PHC2: variants seen among roughly 807,000 people sequenced by gnomAD.
PHC2 encodes the protein polyhomeotic-like protein 2.
A neutral mutation model predicts 87.4 loss-of-function variants in PHC2; 29 were observed. That is an observed-to-expected ratio of 0.33 (90% CI 0.25 to 0.45). The LOEUF (loss-of-function observed/expected upper bound fraction) is 0.45, where lower values mean the gene tolerates loss of function less well. Ranked by LOEUF, PHC2 falls within the 20% of genes least tolerant of loss-of-function variation. The pLI is 1.00. For missense variants in PHC2, 857 were observed against 1,136.7 expected, an observed-to-expected ratio of 0.75 and a Z score of 3.54; for synonymous variants, 438 against 461.7, an observed-to-expected ratio of 0.95 and a Z score of 0.66.
In PHC2 at chr1:33,349,514, G is replaced by A. The variant is rs900554330; in HGVS notation, c.1558+4887C>T. 4.1e-6 allele frequency: 4 copies of A among 983,140 alleles called. No individual in the cohort carries two copies. Among genetic ancestry groups the A allele is most frequent in the Admixed American group, 6.2e-5 (1 of 16,258 alleles). 60.9% of individuals were successfully genotyped at this position (983,140 alleles called of 1,614,324 possible). A position where few individuals can be genotyped will look rare whatever the true frequency, so the allele number is the denominator to read the frequency against. On this transcript the variant is annotated intron_variant, in intron 9 of 14. Coordinates refer to ENST00000683057, the MANE Select transcript of PHC2 (RefSeq NM_001385109.1). The surrounding 1 kb of genome is among the most constrained non-coding windows in gnomAD (Gnocchi z 4.2). ...AGGCCCGGGCCGTTAGGGGCACCGA[G>A]GGCGGTGCCCGACTTCCAGTGCGGC...
In PHC2 at chr1:33,364,470, T is replaced by C. The variant is rs1029515255; in HGVS notation, c.976+2646A>G. ...TCCTGCTCTCAGATCCCTTGGTTCA[T>C]TGACAGTGGGTTGGCTGGGCAGGAG... On this transcript the variant is annotated intron_variant, in intron 7 of 14. Transcript: ENST00000683057. This position sits in a 1 kb window ranked among gnomAD's most constrained non-coding sequence, Gnocchi z 4.1. Among the ~76,000 whole-genome samples, 2 of 151,936 alleles carry C rather than the reference T, an allele frequency of 1.3e-5. No individual in the cohort carries two copies. The highest frequency in any genetic ancestry group is 2.9e-5 in the Non-Finnish European group (2 of 67,986).
chr1:33,430,838 C>G (rs529415342), intron 1 of PHC2, 138 bp downstream of exon 1: 1 of 150,188 alleles, frequency 6.7e-6, no homozygotes, highest in East Asian at 2.0e-4. Flanking sequence ...CCGCGCGGCC[C>G]GTCCCGGCCG....
chr1:33,418,282 G>T (rs79518053), intron 1 of PHC2, among the ~76,000 whole-genome samples: 124 of 152,106 alleles, frequency 8.2e-4, no homozygotes, highest in South Asian at 1.9e-3. Flanking sequence ...GAAATGAAAA[G>T]CTGGCTCTTT....
intron 9 of PHC2, chr1:33,336,826 TG>T (rs1165481611): frequency 6.6e-6 from 1 of 152,238 alleles, no homozygotes; most frequent in Admixed American, 6.5e-5. Flanking sequence ...TGCCGATCAA[TG>T]GGGTGACAGG....
At chr1:33,372,620 G>C (rs151027216) in intron 2 of PHC2, among the ~76,000 whole-genome samples, 173 bp from the exon 3 acceptor site, 54 of 151,334 alleles carry the variant, frequency 3.6e-4, no homozygotes, top group Non-Finnish European at 6.5e-4. Flanking sequence ...GAGGACAGCT[G>C]TTCGCAGAGC....
intron 7 of PHC2, among the ~76,000 whole-genome samples, chr1:33,365,147 T>C (rs1330657854): frequency 6.6e-6 from 1 of 152,148 alleles, no homozygotes; most frequent in Non-Finnish European, 1.5e-5. Context: ...TGTGGTAAGC[T>C]CCTGGAGAAC....
At chr1:33,422,661 G>C (rs530896817) in intron 1 of PHC2, among the ~76,000 whole-genome samples, 1 of 152,020 alleles carries the variant, frequency 6.6e-6, no homozygotes, top group Non-Finnish European at 1.5e-5. Context: ...TCATTTTCAC[G>C]GGCTTTAGTG....
intron 1 of PHC2, among the ~76,000 whole-genome samples, chr1:33,376,279 C>T (rs1022735001): frequency 1.1e-4 from 17 of 152,292 alleles, no homozygotes; most frequent in African/African-American, 4.1e-4. Flanking sequence ...GAGTGATCCA[C>T]CTGCCTTGAC....
intron 9 of PHC2, among the ~76,000 whole-genome samples, chr1:33,343,646 C>G (rs1414791035): frequency 6.6e-6 from 1 of 152,184 alleles, no homozygotes; most frequent in East Asian, 1.9e-4. Context: ...CTAGGCTGAG[C>G]TTGGACACAG....
chr1:33,355,668 A>C (rs1570477843), intron 7 of PHC2, among the ~76,000 whole-genome samples: 1 of 151,802 alleles, frequency 6.6e-6, no homozygotes, highest in African/African-American at 2.4e-5. Flanking sequence ...CCACCACCCA[A>C]CCCAGCTCTG....
intron 1 of PHC2, among the ~76,000 whole-genome samples, chr1:33,405,388 G>T (rs751918597): frequency 6.6e-6 from 1 of 151,806 alleles, no homozygotes; most frequent in Admixed American, 6.6e-5. Context: ...ACGGGGTTTC[G>T]TCATGTTGGC....
At chr1:33,408,006 G>T (rs887699791) in intron 1 of PHC2, among the ~76,000 whole-genome samples, 1 of 152,202 alleles carries the variant, frequency 6.6e-6, no homozygotes, top group Non-Finnish European at 1.5e-5. Flanking sequence ...GGCTTTGAAT[G>T]GTGAGTTTAC....
At position 33,334,352 on chromosome 1, in the gene PHC2, G is replaced by A. The variant is rs1363222232; in HGVS notation, c.1559-60C>T. On this transcript the variant is annotated intron_variant, in intron 9 of 14. Transcript: ENST00000683057. This position sits in a 1 kb window ranked among gnomAD's most constrained non-coding sequence, Gnocchi z 5.5. ...AGATCAGAACCAGAGTCCACGCCCAGGGAGGGACAGCAAGGACTCAAACTG... is the reference window on the plus strand; with the variant it reads ...AGATCAGAACCAGAGTCCACGCCCAAGGAGGGACAGCAAGGACTCAAACTG... The A allele has an allele frequency of 6.7e-7, 1 of 1,496,238 alleles. No individual in the cohort carries two copies. Among genetic ancestry groups the A allele is most frequent in the Non-Finnish European group, 9.2e-7 (1 of 1,083,948 alleles). The allele number at this position is 1,496,238 out of a possible 1,614,324, so 92.7% of individuals were successfully genotyped here. A position where few individuals can be genotyped will look rare whatever the true frequency, so the allele number is the denominator to read the frequency against.
At chr1:33,421,498 G>A (rs963591922) in intron 1 of PHC2, among the ~76,000 whole-genome samples, 2 of 152,188 alleles carry the variant, frequency 1.3e-5, no homozygotes, top group Non-Finnish European at 2.9e-5. Flanking sequence ...AAGGCTGAAA[G>A]GAAGGAGTTA....
At position 33,367,390 on chromosome 1, in the gene PHC2, C is replaced by T. The variant is rs1362535507; in HGVS notation, c.702G>A (p.Ala234=). 16 of 1,599,530 alleles carry T rather than the reference C, an allele frequency of 1.0e-5. No individual in the cohort carries two copies. The highest frequency in any genetic ancestry group is 1.3e-5 in the African/African-American group (1 of 74,794). The change falls in exon 7 of 15, where the codon GCG becomes GCA. Residue 234 remains alanine, a synonymous_variant. Transcript: ENST00000683057. Reference sequence around the variant, plus strand: ...TGGGGGTGGGGCCCGAGGCTGCTGCCGCTGGTGTCTGCTGTGTTCGGAGGG... The same window carrying T: ...TGGGGGTGGGGCCCGAGGCTGCTGCTGCTGGTGTCTGCTGTGTTCGGAGGG... ...NLTLRTQQTP[A]AAASGPTPTQ... is the part of the protein sequence containing the mutation.
intron 1 of PHC2, among the ~76,000 whole-genome samples, chr1:33,409,090 T>C (rs1649881608): frequency 6.6e-6 from 1 of 152,244 alleles, no homozygotes; most frequent in Non-Finnish European, 1.5e-5. Flanking sequence ...TTTTCTCATA[T>C]ACTCACTGCT....
rs1646329573 is a variant in PHC2, at chr1:33,324,508, TG to T, written c.*356del. On this transcript the variant is annotated 3_prime_UTR_variant, in exon 15 of 15. Transcript: ENST00000683057. ...TCCATCCAGGCCTGCTGGCTGCCCT[TG>T]AAGTAACCCAACTCAGGTTGGGGAG... 5.6e-6 allele frequency: 1 copy of T among 179,610 alleles called. No homozygotes were observed. Among genetic ancestry groups the T allele is most frequent in the Non-Finnish European group, 1.2e-5 (1 of 86,128 alleles). 11.1% of individuals were successfully genotyped at this position (179,610 alleles called of 1,614,324 possible). A position where few individuals can be genotyped will look rare whatever the true frequency, so the allele number is the denominator to read the frequency against.
At chr1:33,371,118 G>A in intron 3 of PHC2, 24 bp from the exon 4 acceptor site, 1 of 1,597,210 alleles carries the variant, frequency 6.3e-7, no homozygotes, top group African/African-American at 1.3e-5. Context: ...AACTCCTCTT[G>A]CTAGAGTCCC....
At position 33,368,469 on chromosome 1, in the gene PHC2, C is replaced by T. The variant is rs1002889976; in HGVS notation, c.663+67G>A. ...ATCCCGGCCTCTCCTTGTGCCCCTCCCCAGTATCAGTGCCCCTCTACAGGG... is the reference window on the plus strand; with the variant it reads ...ATCCCGGCCTCTCCTTGTGCCCCTCTCCAGTATCAGTGCCCCTCTACAGGG... On this transcript the variant is annotated intron_variant, in intron 6 of 14. Coordinates refer to ENST00000683057, the MANE Select transcript of PHC2 (RefSeq NM_001385109.1). The surrounding 1 kb of genome is among the most constrained non-coding windows in gnomAD (Gnocchi z 6.6). 1 of 817,170 alleles carries T rather than the reference C, an allele frequency of 1.2e-6. No individual in the cohort carries two copies. The highest frequency in any genetic ancestry group is 1.9e-6 in the Non-Finnish European group (1 of 523,842). The allele number at this position is 817,170 out of a possible 1,614,324, so 50.6% of individuals were successfully genotyped here.
Sources: gnomAD v4.1 joint callset for allele counts (sites outside exome capture counted in the v4.1 genomes callset) on GRCh38, gnomAD v4.1.1 for gene constraint, Gnocchi (gnomAD v3.1) non-coding constraint, MANE v1.5 for transcripts, NCBI Gene and HGNC (gene_info 2026-07-23, HGNC 2026-07-21) for gene names.